Variants in AKAP7 observed in about 807,000 individuals in gnomAD.
The protein encoded by AKAP7 is A kinase (PRKA) anchor protein 7.
A neutral mutation model predicts 39.5 loss-of-function variants in AKAP7; 39 were observed. The observed-to-expected ratio is 0.99, with a 90% CI of 0.76 to 1.29. AKAP7 has a LOEUF of 1.29. AKAP7 is among the 50% of genes most tolerant of loss of function. The pLI is 0.00. For missense variants in AKAP7, 414 were observed against 407.7 expected, an observed-to-expected ratio of 1.02 and a Z score of -0.13; for synonymous variants, 140 against 139.1, an observed-to-expected ratio of 1.01 and a Z score of -0.05.
intron 6 of AKAP7, among the ~76,000 whole-genome samples, chr6:131,203,273 A>G (rs1002380331): frequency 1.3e-4 from 20 of 152,140 alleles, no homozygotes; most frequent in African/African-American, 4.3e-4. Flanking sequence ...ATTTCCAGCT[A>G]TCTATTTTCT....
intron 7 of AKAP7, among the ~76,000 whole-genome samples, chr6:131,276,320 A>C (rs746286224): frequency 1.1e-4 from 16 of 152,116 alleles, no homozygotes; most frequent in Non-Finnish European, 2.1e-4. Flanking sequence ...CTGTATTTGC[A>C]GGAACTCTGT....
At chr6:131,184,268 ATGAAG>A in intron 5 of AKAP7, 1 of 490,928 alleles carries the variant, frequency 2.0e-6, no homozygotes, top group Non-Finnish European at 4.0e-6. Context: ...GGTATGAAAA[ATGAAG>A]TGGAGGAGAG....
At chr6:131,177,325 A>T (rs1373074679) in intron 5 of AKAP7, among the ~76,000 whole-genome samples, 1 of 152,178 alleles carries the variant, frequency 6.6e-6, no homozygotes, top group African/African-American at 2.4e-5. Context: ...ATAGCACTGC[A>T]CTGGCTGGCT....
chr6:131,125,865 C>A, the AKAP7 span, among the ~76,000 whole-genome samples: 1 of 152,134 alleles, frequency 6.6e-6, no homozygotes, highest in African/African-American at 2.4e-5. Context: ...CTTGTTTCCC[C>A]CTTTTCTCGC....
intron 7 of AKAP7, among the ~76,000 whole-genome samples, chr6:131,277,370 T>C (rs1157625124): frequency 6.6e-6 from 1 of 152,226 alleles, no homozygotes; most frequent in Non-Finnish European, 1.5e-5. Flanking sequence ...TAAGTAACCC[T>C]GTAGTCCAAA....
intron 7 of AKAP7, among the ~76,000 whole-genome samples, chr6:131,238,726 C>G (rs2128311174): frequency 6.6e-6 from 1 of 152,290 alleles, no homozygotes; most frequent in South Asian, 2.1e-4. Flanking sequence ...ACTAGGATTG[C>G]AACCCCTGCC....
intron 1 of AKAP7, among the ~76,000 whole-genome samples, chr6:131,141,899 CTTTTTTTTTT>C (rs773131426): frequency 8.6e-6 from 1 of 116,234 alleles, no homozygotes; most frequent in African/African-American, 3.1e-5. Context: ...TTCTTTCTTT[CTTTTTTTTTT>C]TTTTTTTTTG....
intron 7 of AKAP7, among the ~76,000 whole-genome samples, chr6:131,245,372 G>C (rs928469296): frequency 6.7e-6 from 1 of 150,092 alleles, no homozygotes; most frequent in Non-Finnish European, 1.5e-5. Flanking sequence ...AGCATCCCGA[G>C]TAGCTGGGAT....
the AKAP7 span, among the ~76,000 whole-genome samples, chr6:131,127,041 CTTTGTTTTTTT>C: frequency 3.6e-5 from 4 of 110,396 alleles, no homozygotes; most frequent in Non-Finnish European, 4.3e-5. Context: ...TTTCATTTTG[CTTTGTTTTTTT>C]TTTGTTTTTT....
chr6:131,219,555 G>T, intron 6 of AKAP7, 106 bp from the exon 7 acceptor site: 1 of 1,034,902 alleles, frequency 9.7e-7, no homozygotes, highest in Non-Finnish European at 1.4e-6. Flanking sequence ...AGGCAGTGGT[G>T]TAACAATGTA....
upstream of AKAP7, among the ~76,000 whole-genome samples, chr6:131,135,460 G>A (rs1800442995): frequency 6.6e-6 from 1 of 151,770 alleles, no homozygotes; most frequent in Admixed American, 6.6e-5. Context: ...ACTCGGGTCG[G>A]CCCCTTCTGG....
chr6:131,215,444 A>G (rs1191552671), intron 6 of AKAP7, among the ~76,000 whole-genome samples: 1 of 152,204 alleles, frequency 6.6e-6, no homozygotes, highest in Non-Finnish European at 1.5e-5. Context: ...CTCCCTGTCA[A>G]GAACAGGCTG....
chr6:131,279,771 T>G (rs1815057408), intron 7 of AKAP7, among the ~76,000 whole-genome samples: 1 of 152,194 alleles, frequency 6.6e-6, no homozygotes, highest in South Asian at 2.1e-4. Flanking sequence ...GTGCAATGTC[T>G]GGCCTTGATA....
At chr6:131,170,306 A>G (rs539805201) in intron 5 of AKAP7, among the ~76,000 whole-genome samples, 1 of 91,184 alleles carries the variant, frequency 1.1e-5, no homozygotes, top group East Asian at 2.0e-3. Flanking sequence ...ATTTAAAAAA[A>G]AAAGAAAAAA....
At chr6:131,165,670 C>T (rs1803411015) in intron 4 of AKAP7, among the ~76,000 whole-genome samples, 1 of 152,154 alleles carries the variant, frequency 6.6e-6, no homozygotes, top group African/African-American at 2.4e-5. Context: ...ATAAGAGCTG[C>T]CATTTTACTA....
intron 1 of AKAP7, among the ~76,000 whole-genome samples, chr6:131,138,318 G>C (rs1052138503): frequency 1.2e-4 from 18 of 152,156 alleles, no homozygotes; most frequent in Non-Finnish European, 5.9e-5. Flanking sequence ...TGGCTGAATA[G>C]TACTCCATTG....
At chr6:131,130,525 A>C (rs1800304118), upstream of AKAP7, among the ~76,000 whole-genome samples, 1 of 152,150 alleles carries the variant, frequency 6.6e-6, no homozygotes, top group Non-Finnish European at 1.5e-5. Flanking sequence ...CAAACTCCTG[A>C]CCTCAGGTTG....
In AKAP7 at chr6:131,169,140, AC is replaced by A. The variant is rs2128244378; in HGVS notation, c.458del (p.Pro153HisfsTer3). 1 of 1,612,948 alleles carries A rather than the reference AC, an allele frequency of 6.2e-7. No individual in the cohort carries two copies. The highest frequency in any genetic ancestry group is 2.2e-5 in the East Asian group (1 of 44,836). On this transcript the variant is annotated frameshift_variant, in exon 5 of 8. Transcript: ENST00000431975. LOFTEE classifies it high-confidence loss of function. Reference sequence around the variant, plus strand: ...GTATTGATGCTCTTTTGGAATTGAAACCATTCATAGAAGAACTCCTCCAGGG... The same window carrying A: ...GTATTGATGCTCTTTTGGAATTGAAACATTCATAGAAGAACTCCTCCAGGG... ...IGIDALLELK[P>X]FIEELLQGKH...
chr6:131,165,024 G>T (rs1803344900), intron 3 of AKAP7, 57 bp from the exon 4 acceptor site: 4 of 1,375,332 alleles, frequency 2.9e-6, no homozygotes, highest in African/African-American at 3.0e-5. Flanking sequence ...TTACCATAAA[G>T]AAATTTTGCT....
Sources: allele counts gnomAD v4.1 joint callset (sites outside exome capture counted in the v4.1 genomes callset), GRCh38; gene constraint gnomAD v4.1.1; transcripts MANE v1.5; gene names NCBI Gene and HGNC (gene_info 2026-07-23, HGNC 2026-07-21).